The following CACNA1C variants were observed in gnomAD, a reference collection of about 807,000 sequenced individuals.
CACNA1C encodes calcium voltage-gated channel subunit alpha1 C.
A neutral mutation model predicts 229.0 loss-of-function variants in CACNA1C; 30 were observed. The ratio of observed to expected loss-of-function variants is 0.13; its 90% CI spans 0.10 to 0.18. The LOEUF (loss-of-function observed/expected upper bound fraction) is 0.18. Among genes scored for constraint, CACNA1C ranks in the 10% least tolerant of loss-of-function variants. The probability of loss-of-function intolerance (pLI) is 1.00; values close to 1 mark genes in which losing one functional copy is unlikely to be tolerated. For synonymous variants in CACNA1C, 1,114 were observed against 1,132.5 expected (o/e 0.98, Z 0.33); for missense variants, 1,658 against 2,845.0 (o/e 0.58, Z 9.49).
At chr12:2,548,518 C>T (rs749735803) in intron 9 of CACNA1C, among the ~76,000 whole-genome samples, 11 of 152,090 alleles carry the variant, frequency 7.2e-5, no homozygotes, top group South Asian at 6.2e-4. Flanking sequence ...GTGAGGAGGA[C>T]GAGTTAGAGC....
chr12:2,527,654 T>TA (rs1423267349), intron 9 of CACNA1C, among the ~76,000 whole-genome samples: 2 of 152,198 alleles, frequency 1.3e-5, no homozygotes, highest in African/African-American at 4.8e-5. Context: ...TATTCAGAAT[T>TA]AGAGTCTCAA....
intron 4 of CACNA1C, among the ~76,000 whole-genome samples, chr12:2,451,002 T>C (rs1407483024): frequency 6.6e-6 from 1 of 152,130 alleles, no homozygotes; most frequent in Non-Finnish European, 1.5e-5. Context: ...TGGAACCACG[T>C]TAGGGTTTTT....
intron 1 of CACNA1C, among the ~76,000 whole-genome samples, chr12:2,085,612 A>G (rs987465760): frequency 1.3e-5 from 2 of 152,260 alleles, no homozygotes; most frequent in African/African-American, 4.8e-5. Flanking sequence ...TACCTCCTTA[A>G]TACCTCATAA....
intron 5 of CACNA1C, among the ~76,000 whole-genome samples, chr12:2,466,176 C>A (rs1415767672): frequency 6.6e-6 from 1 of 152,142 alleles, no homozygotes; most frequent in East Asian, 1.9e-4. Flanking sequence ...ATTAGGGCTG[C>A]TAAAAGCGGC....
chr12:2,582,233 T>A (rs1196186503), intron 14 of CACNA1C, among the ~76,000 whole-genome samples: 1 of 151,992 alleles, frequency 6.6e-6, no homozygotes, highest in Non-Finnish European at 1.5e-5. Flanking sequence ...CTGCTCTTAC[T>A]GGGGGAGGGG....
chr12:2,606,592 T>G lies in CACNA1C; in HGVS notation c.3157-19T>G, dbSNP rs1160825780. The G allele has an allele frequency of 1.3e-6, 2 of 1,593,196 alleles. No individual in the cohort carries two copies. Among genetic ancestry groups the G allele is most frequent in the East Asian group, 4.5e-5 (2 of 44,206 alleles). ...ATTGATTACTGAACATCTCTGATAC[T>G]CTGTTCTCTGCCTTCCAGGGAAAGC... On this transcript the variant is annotated intron_variant, in intron 24 of 46. Coordinates refer to ENST00000399655, the MANE Select transcript of CACNA1C (RefSeq NM_000719.7).
chr12:2,627,484 G>A (rs1162570814), intron 29 of CACNA1C, among the ~76,000 whole-genome samples: 6 of 151,914 alleles, frequency 3.9e-5, no homozygotes, highest in South Asian at 2.1e-4. Flanking sequence ...CGGTTCATTC[G>A]GCTCTCATCA....
At chr12:2,530,254 G>A (rs2099837713) in intron 9 of CACNA1C, among the ~76,000 whole-genome samples, 1 of 152,226 alleles carries the variant, frequency 6.6e-6, no homozygotes, top group Non-Finnish European at 1.5e-5. Flanking sequence ...ATCTGGCCAG[G>A]AAACATTACT....
At position 2,605,060 on chromosome 12, in the gene CACNA1C, C is replaced by T. The variant is rs1274696737; in HGVS notation, c.2961-21C>T. ...CCAGAAACAGGAGGAGCTTACTACC[C>T]TGCCTGTTTCCCTCTCCCAGGTCCA... On this transcript the variant is annotated intron_variant, in intron 22 of 46. Transcript: ENST00000399655. This position sits in a 1 kb window ranked among gnomAD's most constrained non-coding sequence, Gnocchi z 6.2. 1 of 1,594,636 alleles carries T rather than the reference C, an allele frequency of 6.3e-7. No homozygotes were observed. Among genetic ancestry groups the T allele is most frequent in the Non-Finnish European group, 8.6e-7 (1 of 1,162,258 alleles).
In CACNA1C at chr12:2,155,995, T is replaced by TA. The variant is rs954537598; in HGVS notation, c.477+35573dup. Among the ~76,000 whole-genome samples the TA allele has an allele frequency of 3.3e-5, 5 of 151,978 alleles. No homozygotes were observed. The East Asian group carries it at 5.8e-4, about 18-fold the overall frequency. ...TTTCCTTAAAGAGTAAAGACGCAAA[T>TA]AAAAAAAATCTGCAGCTTAGACACA... On this transcript the variant is annotated intron_variant, in intron 3 of 46. Transcript: ENST00000399655.
intron 3 of CACNA1C, among the ~76,000 whole-genome samples, chr12:2,193,101 A>G (rs912960457): frequency 6.6e-6 from 1 of 152,246 alleles, no homozygotes; most frequent in African/African-American, 2.4e-5. Flanking sequence ...GGAGAACATC[A>G]TGGTTTCCTG....
At chr12:2,503,558 G>C (rs2099765223) in intron 7 of CACNA1C, among the ~76,000 whole-genome samples, 1 of 152,124 alleles carries the variant, frequency 6.6e-6, no homozygotes, top group Non-Finnish European at 1.5e-5. Context: ...GGGTACAGGG[G>C]GCTGATTTAT....
intron 18 of CACNA1C, among the ~76,000 whole-genome samples, chr12:2,592,633 G>C (rs1330837333): frequency 2.0e-5 from 3 of 152,004 alleles, no homozygotes; most frequent in African/African-American, 7.3e-5. Flanking sequence ...ATTGGTGTCA[G>C]TGTCTAAACC....
chr12:2,436,332 G>A (rs2099134521), intron 3 of CACNA1C, among the ~76,000 whole-genome samples: 1 of 152,196 alleles, frequency 6.6e-6, no homozygotes, highest in Non-Finnish European at 1.5e-5. Flanking sequence ...CTGCATCCCT[G>A]TGTCCTCCAG....
At chr12:2,544,487 C>T (rs1362907804) in intron 9 of CACNA1C, among the ~76,000 whole-genome samples, 2 of 152,184 alleles carry the variant, frequency 1.3e-5, no homozygotes, top group South Asian at 2.1e-4. Flanking sequence ...TTTGCTGCCA[C>T]TCATTAATAT....
Position 2,089,167 on chromosome 12 carries a change from T to C in CACNA1C, c.50-26057T>C, listed in dbSNP as rs200190318. Among the ~76,000 whole-genome samples, 12 of 152,236 alleles carry C rather than the reference T, an allele frequency of 7.9e-5. No homozygotes were observed. The East Asian group carries it at 1.9e-3, about 25-fold the overall frequency. On this transcript the variant is annotated intron_variant, in intron 1 of 46. Coordinates refer to ENST00000399655, the MANE Select transcript of CACNA1C (RefSeq NM_000719.7). ...TGGGGCAGTGGGTAAAGGAGTGACA[T>C]TGCATGAGTGTATAGACAATAGCTG...
chr12:2,379,612 GAAGGGATGC>G (rs2098176110), intron 3 of CACNA1C, among the ~76,000 whole-genome samples: 1 of 152,140 alleles, frequency 6.6e-6, no homozygotes, highest in Non-Finnish European at 1.5e-5. Flanking sequence ...TACTGGTGAG[GAAGGGATGC>G]AAGCCCTGAG....
In CACNA1C at chr12:2,325,900, G is replaced by T. The variant is rs993032219; in HGVS notation, c.478-123076G>T. Among the ~76,000 whole-genome samples, 3 of 152,186 alleles carry T rather than the reference G, an allele frequency of 2.0e-5. No individual in the cohort carries two copies. In the South Asian group the frequency reaches 6.2e-4, roughly 31 times the overall value. ...TGAAATAGGACTTCCTTCAGACATC[G>T]CCACCAGCCGCTACTGTGTGTGCGA... On this transcript the variant is annotated intron_variant, in intron 3 of 46. Transcript: ENST00000399655.
chr12:2,648,504 T>C lies in CACNA1C; in HGVS notation c.3942T>C (p.Ser1314=), dbSNP rs1160892890. ...CTGAACATACCCAATGCTCTCCCTC[T>C]ATGGTAAGACCAACCCTCCCGACCA... is the stretch of plus-strand genomic sequence containing the variant. ...NPAEHTQCSP[S]MNAEENSRIS... Residue 1314 remains serine, a synonymous_variant, in exon 31 of 47, where the codon TCT becomes TCC. Coordinates refer to ENST00000399655, the MANE Select transcript of CACNA1C (RefSeq NM_000719.7). The C allele has an allele frequency of 6.2e-7, 1 of 1,613,938 alleles. No individual in the cohort carries two copies. The highest frequency in any genetic ancestry group is 1.7e-5 in the Admixed American group (1 of 60,028).
Sources: allele counts gnomAD v4.1 joint callset (sites outside exome capture counted in the v4.1 genomes callset), GRCh38; gene constraint gnomAD v4.1.1; non-coding constraint Gnocchi (gnomAD v3.1); transcripts MANE v1.5; gene names NCBI Gene and HGNC (gene_info 2026-07-23, HGNC 2026-07-21).